The following U2SURP variants were observed in gnomAD, a reference collection of about 807,000 sequenced individuals.
U2SURP encodes the protein U2 snRNP associated SURP domain containing.
In U2SURP, 9 loss-of-function variants were observed where a neutral mutation model predicts 144.9. The ratio of observed to expected loss-of-function variants is 0.06; its 90% CI spans 0.04 to 0.11. The LOEUF is 0.11. Ranked by LOEUF, U2SURP falls within the 10% of genes least tolerant of loss-of-function variation. U2SURP has a pLI of 1.00. For missense variants in U2SURP, 724 were observed against 1,226.7 expected, an observed-to-expected ratio of 0.59 and a Z score of 6.12; for synonymous variants, 408 against 396.8, an observed-to-expected ratio of 1.03 and a Z score of -0.33.
intron 13 of U2SURP, among the ~76,000 whole-genome samples, chr3:143,025,602 A>G (rs1483480442): frequency 2.0e-5 from 3 of 152,204 alleles, no homozygotes; most frequent in Admixed American, 6.6e-5. Context: ...GTCATTAACC[A>G]TATGAATGCT....
intron 23 of U2SURP, among the ~76,000 whole-genome samples, chr3:143,042,700 G>C (rs1934183666): frequency 6.6e-6 from 1 of 152,032 alleles, no homozygotes; most frequent in Non-Finnish European, 1.5e-5. Flanking sequence ...TAGAATATTT[G>C]TGAATATTGT....
intron 12 of U2SURP, chr3:143,023,443 A>G (rs2290549): frequency 0.72 from 128,924 of 178,260 alleles, 47,648 homozygotes; most frequent in African/African-American, 0.91. Context: ...TGGCAGCTAG[A>G]TCTGAGGTAT....
chr3:143,007,188 C>T (rs1935878268), intron 1 of U2SURP, among the ~76,000 whole-genome samples: 1 of 152,160 alleles, frequency 6.6e-6, no homozygotes, highest in African/African-American at 2.4e-5. Context: ...TCTGCTTTCT[C>T]TGCCTTAAAA....
At chr3:143,019,642 C>G (rs1167920828) in intron 6 of U2SURP, among the ~76,000 whole-genome samples, 2 of 152,144 alleles carry the variant, frequency 1.3e-5, no homozygotes, top group Non-Finnish European at 2.9e-5. Flanking sequence ...CTTACTGTTC[C>G]AGTAACTCAT....
At chr3:143,026,562 A>G (rs983679700) in intron 13 of U2SURP, 3 of 152,180 alleles carry the variant, frequency 2.0e-5, no homozygotes, top group African/African-American at 7.2e-5. Context: ...TAAAGGTCAG[A>G]TTTAATAAAA....
chr3:143,050,224 C>T (rs939176817), intron 24 of U2SURP, among the ~76,000 whole-genome samples: 13 of 152,140 alleles, frequency 8.5e-5, no homozygotes, highest in African/African-American at 2.7e-4. Flanking sequence ...TAGGCATGTG[C>T]CACCATGCCT....
chr3:143,051,917 T>G (rs773574862), intron 25 of U2SURP, among the ~76,000 whole-genome samples: 2 of 152,146 alleles, frequency 1.3e-5, no homozygotes, highest in African/African-American at 2.4e-5. Context: ...TTATAAGTAT[T>G]TTAGCTATAC....
At chr3:143,046,941 C>T (rs1560203224) in intron 24 of U2SURP, among the ~76,000 whole-genome samples, 1 of 81,436 alleles carries the variant, frequency 1.2e-5, no homozygotes, top group Non-Finnish European at 2.4e-5. Flanking sequence ...GCTGGCCGGG[C>T]AGGGGGCTGA....
chr3:143,011,519 T>A (rs1936119756), intron 2 of U2SURP, among the ~76,000 whole-genome samples: 1 of 152,186 alleles, frequency 6.6e-6, no homozygotes, highest in Non-Finnish European at 1.5e-5. Flanking sequence ...TTTGCACTAA[T>A]GCAAGTGTAG....
intron 23 of U2SURP, 79 bp from the exon 24 acceptor site, chr3:143,043,038 A>G (rs775362014): frequency 1.3e-5 from 18 of 1,352,638 alleles, no homozygotes; most frequent in Non-Finnish European, 1.8e-5. Context: ...TAAGACAATG[A>G]AAAATAAAAT....
intron 25 of U2SURP, among the ~76,000 whole-genome samples, chr3:143,053,427 A>G (rs1169898525): frequency 2.0e-5 from 3 of 152,040 alleles, no homozygotes; most frequent in African/African-American, 7.2e-5. Flanking sequence ...GCTGTTTAGT[A>G]TATTGTTTGG....
chr3:143,059,649 T>C lies in U2SURP; in HGVS notation c.*3199T>C, dbSNP rs1935297569. On this transcript the variant is annotated 3_prime_UTR_variant, in exon 28 of 28. Coordinates refer to ENST00000473835, the MANE Select transcript of U2SURP (RefSeq NM_001080415.2). ...TGATGACCACACAGTGTGATTTCTT[T>C]AGCAGAGAAAGTTGGTTTTAAAAAT... The C allele has an allele frequency of 6.6e-6, 1 of 151,932 alleles. No individual in the cohort carries two copies. Among genetic ancestry groups the C allele is most frequent in the Admixed American group, 6.6e-5 (1 of 15,238 alleles). 9.4% of individuals were successfully genotyped at this position (151,932 alleles called of 1,614,324 possible).
chr3:143,052,145 G>A lies in U2SURP; in HGVS notation c.2655+1096G>A, dbSNP rs1394756496. On this transcript the variant is annotated intron_variant, in intron 25 of 27. Coordinates refer to ENST00000473835, the MANE Select transcript of U2SURP (RefSeq NM_001080415.2). ...CTCACGCCTGTAATCCCAGCACTTC[G>A]GGAGGCCGGGCAATCACCTCAGGCA... is the stretch of plus-strand genomic sequence containing the variant. 5.3e-5 allele frequency among the ~76,000 whole-genome samples: 8 copies of A among 152,242 alleles called. No homozygotes were observed. In the East Asian group the frequency reaches 1.4e-3, roughly 26 times the overall value.
rs547705608 is a variant in U2SURP, at chr3:143,045,198, G to T, written c.2544+1922G>T. Among the ~76,000 whole-genome samples, 41 of 151,926 alleles carry T rather than the reference G, an allele frequency of 2.7e-4. No individual in the cohort carries two copies. In the East Asian group the frequency reaches 3.9e-3, roughly 14 times the overall value. On this transcript the variant is annotated intron_variant, in intron 24 of 27. Transcript: ENST00000473835. ...ATCCTGGCTAACACGGTGAAACCCG[G>T]TCTCTACTAAAAATACAAAAATTAG...
chr3:143,013,244 C>T (rs1936202358), intron 3 of U2SURP, among the ~76,000 whole-genome samples: 1 of 151,922 alleles, frequency 6.6e-6, no homozygotes, highest in Non-Finnish European at 1.5e-5. Flanking sequence ...ATAATTTTGC[C>T]ACTTGTTTAA....
At chr3:143,025,778 T>C (rs917443533) in intron 13 of U2SURP, 3 of 152,276 alleles carry the variant, frequency 2.0e-5, no homozygotes, top group South Asian at 4.1e-4. Flanking sequence ...TGATGCAATT[T>C]TTTTTACTTC....
In U2SURP at chr3:143,028,381, G is replaced by T; in HGVS notation, c.1421G>T (p.Arg474Met). 6.2e-7 allele frequency: 1 copy of T among 1,613,024 alleles called. No homozygotes were observed. The change falls in exon 15 of 28, where the codon AGG becomes ATG. Residue 474 changes from arginine (R) to methionine (M), a missense_variant. Physicochemically the swap from Arg to Met is moderately conservative, Grantham distance 91 (BLOSUM62 -1). Around this residue, in one of 13 missense-constraint regions of U2SURP, gnomAD observed 64 missense variants for 164.1 expected, o/e 0.39. Coordinates refer to ENST00000473835, the MANE Select transcript of U2SURP (RefSeq NM_001080415.2). ...CAGACACCAGCCCATGTTTACTATA[G>T]GTGGAAGCTTTATTCTATTCTGCAG... ...ENQTPAHVYYRWKLYSILQGD... is the reference protein window; with the variant it reads ...ENQTPAHVYYMWKLYSILQGD...
rs561022518 is a variant in U2SURP at position 143,034,336 on chromosome 3, G to A, written c.1854-552G>A. Among the ~76,000 whole-genome samples, 16 of 152,132 alleles carry A rather than the reference G, an allele frequency of 1.1e-4. No individual in the cohort carries two copies. The East Asian group carries it at 2.1e-3, about 20-fold the overall frequency. On this transcript the variant is annotated intron_variant, in intron 18 of 27. Coordinates refer to ENST00000473835, the MANE Select transcript of U2SURP (RefSeq NM_001080415.2). The stretch of plus-strand genomic sequence containing the variant: ...GGAGAATCGCTTGAACCCGGGAGGC[G>A]GAGGTTGCAGTGAGCCGAGATGGCA...
chr3:143,003,633 G>A (rs1205716114), intron 1 of U2SURP, among the ~76,000 whole-genome samples: 2 of 146,160 alleles, frequency 1.4e-5, no homozygotes, highest in African/African-American at 5.0e-5. Flanking sequence ...GTCATCAGCT[G>A]TCATAATGAC....
Sources: gnomAD v4.1 joint callset for allele counts (sites outside exome capture counted in the v4.1 genomes callset) on GRCh38, gnomAD v4.1.1 for gene constraint, gnomAD v4.1.1 regional missense constraint, MANE v1.5 for transcripts, NCBI Gene and HGNC (gene_info 2026-07-23, HGNC 2026-07-21) for gene names.